The following PRKN variants were observed in gnomAD, a reference collection of about 807,000 sequenced individuals.
PRKN encodes parkin RBR E3 ubiquitin protein ligase.
A neutral mutation model predicts 59.5 loss-of-function variants in PRKN; 56 were observed. The observed-to-expected ratio is 0.94, with a 90% CI of 0.76 to 1.18. The LOEUF is 1.18. Ranked by LOEUF, PRKN falls within the 50% of genes most tolerant of loss-of-function variation. The pLI is 0.00. For missense variants in PRKN, 657 were observed against 596.4 expected, an observed-to-expected ratio of 1.10 and a Z score of -1.06; for synonymous variants, 250 against 222.1, an observed-to-expected ratio of 1.13 and a Z score of -1.12.
At chr6:162,163,024 A>G (rs554192663) in intron 4 of PRKN, among the ~76,000 whole-genome samples, 5 of 149,084 alleles carry the variant, frequency 3.4e-5, no homozygotes, top group Admixed American at 3.3e-4. Flanking sequence ...ATAAATAAAT[A>G]AAAAGAAAAA....
chr6:161,916,712 T>C (rs1217019456), intron 6 of PRKN, among the ~76,000 whole-genome samples: 1 of 152,266 alleles, frequency 6.6e-6, no homozygotes, highest in Non-Finnish European at 1.5e-5. Context: ...CCTCTTCTTC[T>C]ACCCGGTTCC....
rs118174496 is a variant in PRKN at position 161,663,255 on chromosome 6, C to T, written c.872-93839G>A. Among the ~76,000 whole-genome samples, 743 of 152,204 alleles carry T rather than the reference C, an allele frequency of 4.9e-3. 17 individuals are homozygous for T. In the East Asian group the frequency reaches 0.065, roughly 13 times the overall value. ...CATGAGAATAGACTAATACATGTGG[C>T]GGTGGCAAGTGCAGCAGCCTCTGGG... is the stretch of plus-strand genomic sequence containing the variant. On this transcript the variant is annotated intron_variant, in intron 7 of 11. Coordinates refer to ENST00000366898, the MANE Select transcript of PRKN (RefSeq NM_004562.3).
At chr6:161,509,230 C>A (rs1201702432) in intron 9 of PRKN, among the ~76,000 whole-genome samples, 1 of 151,260 alleles carries the variant, frequency 6.6e-6, no homozygotes, top group East Asian at 1.9e-4. Flanking sequence ...AGAAGAGCAC[C>A]AGAAAACTTT....
At chr6:162,030,572 G>T (rs1783599072) in intron 5 of PRKN, among the ~76,000 whole-genome samples, 4 of 152,244 alleles carry the variant, frequency 2.6e-5, no homozygotes, top group Admixed American at 1.3e-4. Flanking sequence ...GGCCTTTCCA[G>T]CACTTGCCAA....
At chr6:162,548,926 T>C (rs1012081930) in intron 1 of PRKN, among the ~76,000 whole-genome samples, 1 of 152,176 alleles carries the variant, frequency 6.6e-6, no homozygotes, top group African/African-American at 2.4e-5. Flanking sequence ...GTAAAGGGTA[T>C]CCTCCACAGG....
chr6:161,512,751 T>C (rs189893374), intron 9 of PRKN, among the ~76,000 whole-genome samples: 3 of 152,324 alleles, frequency 2.0e-5, no homozygotes, highest in East Asian at 3.9e-4. Context: ...GAGAGGCAAG[T>C]GCCCCTGACT....
chr6:161,727,313 C>A (rs1787483902), intron 7 of PRKN, among the ~76,000 whole-genome samples: 1 of 152,146 alleles, frequency 6.6e-6, no homozygotes, highest in Non-Finnish European at 1.5e-5. Context: ...TGCAGAGGGA[C>A]AGAAGAGGGA....
At chr6:161,652,030 A>G (rs7744246) in intron 7 of PRKN, among the ~76,000 whole-genome samples, 76,100 of 152,140 alleles carry the variant, frequency 0.5, 21,963 homozygotes, top group African/African-American at 0.81. Flanking sequence ...TTTACAAATT[A>G]TTTTCATCCC....
chr6:161,915,755 A>G (rs1778532591), intron 6 of PRKN, among the ~76,000 whole-genome samples: 1 of 152,234 alleles, frequency 6.6e-6, no homozygotes, highest in Non-Finnish European at 1.5e-5. Context: ...TCATTTGGAA[A>G]ACATTCTGGA....
intron 4 of PRKN, among the ~76,000 whole-genome samples, chr6:162,139,824 G>C (rs575029570): frequency 6.6e-6 from 1 of 151,748 alleles, no homozygotes; most frequent in South Asian, 2.1e-4. Flanking sequence ...AACAGAAGGT[G>C]CCTGCCTGCA....
intron 2 of PRKN, among the ~76,000 whole-genome samples, chr6:162,428,351 T>C (rs971123640): frequency 1.3e-5 from 2 of 152,202 alleles, no homozygotes; most frequent in African/African-American, 2.4e-5. Flanking sequence ...TCTTACTATA[T>C]ATTATTTGGT....
intron 2 of PRKN, among the ~76,000 whole-genome samples, chr6:162,329,461 C>G (rs562048382): frequency 2.3e-4 from 35 of 152,044 alleles, no homozygotes; most frequent in Admixed American, 5.9e-4. Flanking sequence ...GCAGCAGTAC[C>G]GGGTTGGAAG....
intron 1 of PRKN, among the ~76,000 whole-genome samples, chr6:162,538,572 C>T (rs1244625444): frequency 1.3e-5 from 2 of 152,092 alleles, no homozygotes; most frequent in African/African-American, 2.4e-5. Flanking sequence ...GTCAGTCCTG[C>T]CCAGACTGAT....
intron 6 of PRKN, among the ~76,000 whole-genome samples, chr6:161,880,611 G>A (rs1794898851): frequency 6.6e-6 from 1 of 152,172 alleles, no homozygotes; most frequent in African/African-American, 2.4e-5. Context: ...GAGGTGGGGT[G>A]GGAGGTTTGG....
chr6:161,350,551 T>G (rs1041177138), intron 11 of PRKN, among the ~76,000 whole-genome samples: 1 of 142,756 alleles, frequency 7.0e-6, no homozygotes, highest in Non-Finnish European at 1.5e-5. Context: ...TTTAAATATA[T>G]TCAAATATTA....
rs528586451 is a variant in PRKN, at chr6:161,362,358, C to T, written c.1168-2153G>A. Among the ~76,000 whole-genome samples the T allele has an allele frequency of 2.2e-4, 34 of 152,272 alleles. No individual in the cohort carries two copies. The highest frequency in any genetic ancestry group is 9.6e-5 in the African/African-American group (4 of 41,558). ...TGCTGTGGGGCTATCTTCTTAGTCCCGCGCTGCCCATCATCTGGGTCTTCC... is the reference window on the plus strand; with the variant it reads ...TGCTGTGGGGCTATCTTCTTAGTCCTGCGCTGCCCATCATCTGGGTCTTCC... On this transcript the variant is annotated intron_variant, in intron 10 of 11. Coordinates refer to ENST00000366898, the MANE Select transcript of PRKN (RefSeq NM_004562.3). The surrounding 1 kb of genome is among the most constrained non-coding windows in gnomAD (Gnocchi z 5.2).
chr6:162,705,101 TAAC>T (rs1205784467), intron 1 of PRKN, among the ~76,000 whole-genome samples: 5 of 152,318 alleles, frequency 3.3e-5, no homozygotes, highest in African/African-American at 1.2e-4. Flanking sequence ...ACTTTAGTAA[TAAC>T]TACTAAAAAC....
chr6:162,063,005 A>G (rs1234233825), intron 4 of PRKN, among the ~76,000 whole-genome samples: 1 of 152,152 alleles, frequency 6.6e-6, no homozygotes, highest in African/African-American at 2.4e-5. Flanking sequence ...CTGAATATAA[A>G]TATCTCACTC....
At chr6:162,455,015 CAGATACACAGTAA>C (rs1790802124) in intron 1 of PRKN, among the ~76,000 whole-genome samples, 1 of 152,182 alleles carries the variant, frequency 6.6e-6, no homozygotes, top group South Asian at 2.1e-4. Context: ...GGTATGAATA[CAGATACACAGTAA>C]AGAGGGACAA....
Sources: gnomAD v4.1 joint callset for allele counts (sites outside exome capture counted in the v4.1 genomes callset) on GRCh38, gnomAD v4.1.1 for gene constraint, Gnocchi (gnomAD v3.1) non-coding constraint, MANE v1.5 for transcripts, NCBI Gene and HGNC (gene_info 2026-07-23, HGNC 2026-07-21) for gene names.